CTR9: variants seen among roughly 807,000 people sequenced by gnomAD.
CTR9 encodes RNA polymerase-associated protein CTR9 homolog.
A neutral mutation model predicts 152.1 loss-of-function variants in CTR9; 41 were observed. The ratio of observed to expected loss-of-function variants is 0.27; its 90% CI spans 0.21 to 0.35. CTR9 has a LOEUF of 0.35. Among genes scored for constraint, CTR9 ranks in the 10% least tolerant of loss-of-function variants. The probability of loss-of-function intolerance (pLI) is 1.00; values close to 1 mark genes in which losing one functional copy is unlikely to be tolerated. For missense variants in CTR9, 917 were observed against 1,424.4 expected, an observed-to-expected ratio of 0.64 and a Z score of 5.73; for synonymous variants, 476 against 496.2, an observed-to-expected ratio of 0.96 and a Z score of 0.54.
At position 10,779,029 on chromosome 11, in the gene CTR9, A is replaced by G. The variant is rs750112805; in HGVS notation, c.3446A>G (p.Asn1149Ser). ...GAGGGTTCTGGCCAAGGCTCTGGAA[A>G]TGAATCGGAACCAGAGGGATCCAAC... ...DNEGSGQGSGNESEPEGSNNE... is the reference protein window; with the variant it reads ...DNEGSGQGSGSESEPEGSNNE... Residue 1149 changes from asparagine to serine, a missense_variant, in exon 25 of 25, where the codon AAT (asparagine) becomes AGT (serine). This residue lies in a region of CTR9 where 384 missense variants were observed against 398.4 expected (regional missense o/e 0.96). Coordinates refer to ENST00000361367, the MANE Select transcript of CTR9 (RefSeq NM_014633.5). The G allele has an allele frequency of 3.7e-6, 6 of 1,614,208 alleles. No individual in the cohort carries two copies. Among genetic ancestry groups the G allele is most frequent in the Non-Finnish European group, 4.2e-6 (5 of 1,180,028 alleles).
intron 6 of CTR9, among the ~76,000 whole-genome samples, chr11:10,761,656 T>C (rs927847458): frequency 6.6e-6 from 1 of 151,854 alleles, no homozygotes; most frequent in Admixed American, 6.6e-5. Context: ...AGGTGGCTCT[T>C]TGTGGGAGAA....
rs1863126823 is a variant in CTR9, at chr11:10,770,483, A to G, written c.2227-4A>G. On this transcript the variant is annotated splice_polypyrimidine_tract_variant and splice_region_variant and intron_variant, in intron 17 of 24. Coordinates refer to ENST00000361367, the MANE Select transcript of CTR9 (RefSeq NM_014633.5). The stretch of plus-strand genomic sequence containing the variant: ...CATATGAAATATTTATTTTTTATTC[A>G]CAGGCTAGACATGTGGCACCCAGTG... The G allele has an allele frequency of 1.2e-6, 2 of 1,603,666 alleles. No homozygotes were observed. The highest frequency in any genetic ancestry group is 1.3e-5 in the African/African-American group (1 of 74,138).
chr11:10,754,689 C>CT (rs1367318114), intron 2 of CTR9, among the ~76,000 whole-genome samples: 1 of 152,034 alleles, frequency 6.6e-6, no homozygotes, highest in Non-Finnish European at 1.5e-5. Flanking sequence ...AATATGTACT[C>CT]TTTTTTTGGT....
chr11:10,775,273 A>G lies in CTR9; in HGVS notation c.2952A>G (p.Arg984=). ...AAAATGGCCCCAAACCAAAAAAACG[A>G]CGTCCACCAAAAGCAGAGAAGAAAA... ...ETENGPKPKK[R]RPPKAEKKKA... The change falls in exon 23 of 25, where the codon CGA becomes CGG. Residue 984 remains arginine, a synonymous_variant. Coordinates refer to ENST00000361367, the MANE Select transcript of CTR9 (RefSeq NM_014633.5). 5.0e-6 allele frequency: 8 copies of G among 1,614,104 alleles called. No homozygotes were observed. Among genetic ancestry groups the G allele is most frequent in the Non-Finnish European group, 6.8e-6 (8 of 1,179,990 alleles).
chr11:10,762,938 G>C (rs749578569), intron 7 of CTR9, among the ~76,000 whole-genome samples: 2 of 151,230 alleles, frequency 1.3e-5, no homozygotes, highest in Non-Finnish European at 2.9e-5. Context: ...CTGGGAGGTC[G>C]AGGCTGCAGT....
chr11:10,755,909 T>C (rs1342347937), intron 4 of CTR9, 114 bp downstream of exon 4: 1 of 589,250 alleles, frequency 1.7e-6, no homozygotes, highest in East Asian at 2.8e-5. Flanking sequence ...TAGAAGAGCT[T>C]TATGTTGTTA....
Position 10,779,530 on chromosome 11 carries a change from A to G in CTR9, c.*425A>G, listed in dbSNP as rs1173762927. On this transcript the variant is annotated 3_prime_UTR_variant, in exon 25 of 25. Coordinates refer to ENST00000361367, the MANE Select transcript of CTR9 (RefSeq NM_014633.5). ...TATTCCATTTTGAGTTTAGATTGAGAATATTTTTATTTTCTGAAGGCAGAG... is the reference window on the plus strand; with the variant it reads ...TATTCCATTTTGAGTTTAGATTGAGGATATTTTTATTTTCTGAAGGCAGAG... 1.2e-5 allele frequency: 2 copies of G among 167,332 alleles called. No homozygotes were observed. The highest frequency in any genetic ancestry group is 2.6e-5 in the Non-Finnish European group (2 of 76,718). The allele number at this position is 167,332 out of a possible 1,614,324, so 10.4% of individuals were successfully genotyped here.
intron 21 of CTR9, 89 bp from the exon 22 acceptor site, chr11:10,773,923 A>G (rs1003983332): frequency 6.1e-6 from 5 of 814,132 alleles, no homozygotes; most frequent in Middle Eastern, 2.4e-4. Context: ...GTCAAATGAC[A>G]ATGGATATGG....
chr11:10,772,782 G>A, intron 20 of CTR9, 127 bp downstream of exon 20: 4 of 982,274 alleles, frequency 4.1e-6, no homozygotes, highest in Non-Finnish European at 5.8e-6. Flanking sequence ...CACTTTGGGA[G>A]GATGAGGTGG....
rs537656946 is a variant in CTR9, at chr11:10,765,723, A to G, written c.1598-679A>G. Among the ~76,000 whole-genome samples the G allele has an allele frequency of 2.6e-3, 396 of 152,310 alleles. 3 individuals are homozygous for G. The highest frequency in any genetic ancestry group is 9.2e-3 in the African/African-American group (383 of 41,568). On this transcript the variant is annotated intron_variant, in intron 12 of 24. Coordinates refer to ENST00000361367, the MANE Select transcript of CTR9 (RefSeq NM_014633.5). Reference sequence around the variant, plus strand: ...GTGATCCATCCACCATGGCCTCCCAAAGTGCTGGGATTATAGGCGTGAGCC... The same window carrying G: ...GTGATCCATCCACCATGGCCTCCCAGAGTGCTGGGATTATAGGCGTGAGCC...
At position 10,772,295 on chromosome 11, in the gene CTR9, G is replaced by A. The variant is rs184146915; in HGVS notation, c.2445-225G>A. On this transcript the variant is annotated intron_variant, in intron 19 of 24. Coordinates refer to ENST00000361367, the MANE Select transcript of CTR9 (RefSeq NM_014633.5). Reference sequence around the variant, plus strand: ...ACTTAAACCCGGAGGCGGAGGTTGCGGTGAGCCGAGATGGCACCATTACAC... The same window carrying A: ...ACTTAAACCCGGAGGCGGAGGTTGCAGTGAGCCGAGATGGCACCATTACAC... Among the ~76,000 whole-genome samples, 193 of 151,998 alleles carry A rather than the reference G, an allele frequency of 1.3e-3. 1 individual carries two copies. Among genetic ancestry groups the A allele is most frequent in the African/African-American group, 4.2e-3 (175 of 41,466 alleles).
rs772012925 is a variant in CTR9, at chr11:10,770,203, A to T, written c.2110-7A>T. 2 of 1,577,666 alleles carry T rather than the reference A, an allele frequency of 1.3e-6. No homozygotes were observed. Among genetic ancestry groups the T allele is most frequent in the Admixed American group, 1.9e-5 (1 of 53,154 alleles). ...GTGTTTTAATTAACTTTTTTCTTTT[A>T]CTGTAGTATGAAAACTGCCTCCGAA... is the stretch of plus-strand genomic sequence containing the variant. On this transcript the variant is annotated splice_region_variant and splice_polypyrimidine_tract_variant and intron_variant, in intron 16 of 24. Coordinates refer to ENST00000361367, the MANE Select transcript of CTR9 (RefSeq NM_014633.5).
chr11:10,772,648 A>C lies in CTR9; in HGVS notation c.2573A>C (p.Lys858Thr). Residue 858 changes from lysine (K) to threonine (T), a missense_variant, in exon 20 of 25, where the codon AAA becomes ACA. Transcript: ENST00000361367. ...GAGCTGTTAAGGCAGAAACTTCTTA[A>C]AGAACAGGTATCTTGTATTTTCCAG... is the stretch of plus-strand genomic sequence containing the variant. ...EKELLRQKLL[K>T]EQEEKRLREK... 6.2e-7 allele frequency: 1 copy of C among 1,601,778 alleles called. No homozygotes were observed. The highest frequency in any genetic ancestry group is 8.5e-7 in the Non-Finnish European group (1 of 1,175,656).
rs913449582 is a variant in CTR9, at chr11:10,775,058, G to T, written c.2886-149G>T. 38 of 620,888 alleles carry T rather than the reference G, an allele frequency of 6.1e-5. No individual in the cohort carries two copies. In the Admixed American group the frequency reaches 1.0e-3, roughly 16 times the overall value. 38.5% of individuals were successfully genotyped at this position (620,888 alleles called of 1,614,324 possible). On this transcript the variant is annotated intron_variant, in intron 22 of 24. Coordinates refer to ENST00000361367, the MANE Select transcript of CTR9 (RefSeq NM_014633.5). ...GCCACGTGCAGCAAGAGTAAGTTAT[G>T]TCCCCTGCCCTTGAGGAGTGTACAG...
intron 20 of CTR9, 109 bp from the exon 21 acceptor site, chr11:10,773,018 C>T: frequency 8.1e-7 from 1 of 1,236,110 alleles, no homozygotes; most frequent in Non-Finnish European, 1.1e-6. Flanking sequence ...CAGAGTGAGA[C>T]TCCATCTCAA....
chr11:10,778,168 G>A (rs1386624166), intron 24 of CTR9, among the ~76,000 whole-genome samples: 2 of 152,168 alleles, frequency 1.3e-5, no homozygotes, highest in Non-Finnish European at 1.5e-5. Flanking sequence ...CTTAGGACAG[G>A]AATAATGACC....
At chr11:10,764,753 A>G (rs777584804) in intron 12 of CTR9, 22 bp downstream of exon 12, 3 of 1,559,542 alleles carry the variant, frequency 1.9e-6, no homozygotes, top group South Asian at 1.2e-5. Flanking sequence ...AAACTTCTTT[A>G]TGTAATGAAA....
chr11:10,769,481 C>G (rs1163395633), intron 16 of CTR9, among the ~76,000 whole-genome samples: 1 of 152,064 alleles, frequency 6.6e-6, no homozygotes, highest in African/African-American at 2.4e-5. Flanking sequence ...GGGTTATTAC[C>G]AATATTCAGA....
intron 12 of CTR9, among the ~76,000 whole-genome samples, chr11:10,765,634 G>A (rs1863047736): frequency 6.6e-6 from 1 of 152,058 alleles, no homozygotes; most frequent in Admixed American, 6.6e-5. Context: ...ACTAATTTTT[G>A]TGTTTTTAGT....
Sources: gnomAD v4.1 joint callset for allele counts (sites outside exome capture counted in the v4.1 genomes callset) on GRCh38, gnomAD v4.1.1 for gene constraint, gnomAD v4.1.1 regional missense constraint, MANE v1.5 for transcripts, NCBI Gene and HGNC (gene_info 2026-07-23, HGNC 2026-07-21) for gene names.